Variants in CGGBP1 observed in about 807,000 individuals in gnomAD.
CGGBP1 encodes the protein CGG triplet repeat binding protein 1, also known as CGG triplet repeat-binding protein 1.
A neutral mutation model predicts 11.4 loss-of-function variants in CGGBP1; 4 were observed. The ratio of observed to expected loss-of-function variants is 0.35; its 90% CI spans 0.17 to 0.80. The LOEUF (loss-of-function observed/expected upper bound fraction) is 0.80. Among genes scored for constraint, CGGBP1 ranks in the 30% least tolerant of loss-of-function variants. The pLI is 0.52. For synonymous variants in CGGBP1, 76 were observed against 74.1 expected (o/e 1.03, Z -0.13); for missense variants, 135 against 202.1 (o/e 0.67, Z 2.01).
chr3:88,091,412 A>G (rs1271254591), intron 2 of CGGBP1, among the ~76,000 whole-genome samples: 1 of 152,230 alleles, frequency 6.6e-6, no homozygotes, highest in East Asian at 1.9e-4. Flanking sequence ...ATTAAAATAA[A>G]TTATTCGTAA....
chr3:88,053,251 T>C lies in CGGBP1; in HGVS notation c.*2222A>G, dbSNP rs1481571940. 1 of 152,144 alleles carries C rather than the reference T, an allele frequency of 6.6e-6. No individual in the cohort carries two copies. Among genetic ancestry groups the C allele is most frequent in the African/African-American group, 2.4e-5 (1 of 41,446 alleles). 9.4% of individuals were successfully genotyped at this position (152,144 alleles called of 1,614,324 possible). ...TCATTCTGCTGTATTTATTTAACTT[T>C]AGACACAGTTAACTAGCTTCAGGGA... is the stretch of plus-strand genomic sequence containing the variant. On this transcript the variant is annotated 3_prime_UTR_variant, in exon 4 of 4. Coordinates refer to ENST00000482016, the MANE Select transcript of CGGBP1 (RefSeq NM_001008390.2).
intron 1 of CGGBP1, among the ~76,000 whole-genome samples, chr3:88,145,851 C>T (rs1405354947): frequency 1.3e-5 from 2 of 152,168 alleles, no homozygotes; most frequent in East Asian, 3.8e-4. Context: ...GAACACTGCT[C>T]TTTAGACACC....
At chr3:88,062,714 T>C (rs1576175719), upstream of CGGBP1, among the ~76,000 whole-genome samples, 2 of 152,342 alleles carry the variant, frequency 1.3e-5, no homozygotes, top group East Asian at 3.9e-4. Flanking sequence ...CACTTTGATA[T>C]GTTGATTGAA....
At chr3:88,063,202 C>T (rs906804933), upstream of CGGBP1, among the ~76,000 whole-genome samples, 7 of 152,132 alleles carry the variant, frequency 4.6e-5, no homozygotes, top group African/African-American at 1.7e-4. Flanking sequence ...CACAGGATGG[C>T]TCTAACAACA....
intron 1 of CGGBP1, chr3:88,144,728 T>C (rs1164485710): frequency 6.6e-6 from 1 of 152,444 alleles, no homozygotes; most frequent in Non-Finnish European, 1.5e-5. Flanking sequence ...ATATATTAAA[T>C]GAAAATGTCT....
upstream of CGGBP1, chr3:88,059,432 G>A (rs1706706752): frequency 6.6e-7 from 1 of 1,522,406 alleles, no homozygotes; most frequent in Admixed American, 2.1e-5. Context: ...GACGGCAGAG[G>A]CGGCGCTGGC....
At chr3:88,096,419 C>G (rs1296612721) in intron 2 of CGGBP1, among the ~76,000 whole-genome samples, 1 of 152,096 alleles carries the variant, frequency 6.6e-6, no homozygotes, top group East Asian at 1.9e-4. Flanking sequence ...GATCTTGAAG[C>G]AGAGGGGTAA....
Position 88,085,622 on chromosome 3 carries a change from T to G in CGGBP1, c.-228-27399A>C, listed in dbSNP as rs539263954. Among the ~76,000 whole-genome samples, 87 of 152,298 alleles carry G rather than the reference T, an allele frequency of 5.7e-4. 1 individual carries two copies. Among genetic ancestry groups the G allele is most frequent in the African/African-American group, 2.1e-3 (86 of 41,552 alleles). ...AATGTTTTCTCATAAATTACCCCAA[T>G]TTGGCTTCAGAGAGCATTGTCATCT... is the stretch of plus-strand genomic sequence containing the variant. On this transcript the variant is annotated intron_variant, in intron 2 of 3. Coordinates refer to the CGGBP1 transcript ENST00000462901.
chr3:88,098,034 A>G (rs1017164708), intron 2 of CGGBP1, among the ~76,000 whole-genome samples: 21 of 152,234 alleles, frequency 1.4e-4, no homozygotes, highest in Non-Finnish European at 2.5e-4. Context: ...AAAACAATCA[A>G]TCCAGGAGCT....
upstream of CGGBP1, among the ~76,000 whole-genome samples, chr3:88,063,663 T>C (rs1250782128): frequency 2.0e-5 from 3 of 152,198 alleles, no homozygotes; most frequent in Admixed American, 6.6e-5. Flanking sequence ...TAAGAAGTCA[T>C]ATAAGGCCTA....
intron 2 of CGGBP1, among the ~76,000 whole-genome samples, chr3:88,122,813 C>T (rs979466576): frequency 6.6e-6 from 1 of 151,764 alleles, no homozygotes; most frequent in African/African-American, 2.4e-5. Flanking sequence ...AGTTCGATAC[C>T]AGCCTGGCCA....
intron 2 of CGGBP1, among the ~76,000 whole-genome samples, chr3:88,137,247 A>C (rs1243463323): frequency 6.6e-6 from 1 of 151,978 alleles, no homozygotes; most frequent in African/African-American, 2.4e-5. Context: ...GGAGAAAGAA[A>C]ACGAATTCTG....
rs1006896 is a variant in CGGBP1, at chr3:88,055,261, A to C, written c.*212T>G. The C allele has an allele frequency of 0.079, 33,432 of 425,264 alleles. 1,636 individuals carry two copies. Among genetic ancestry groups the C allele is most frequent in the Non-Finnish European group, 0.1 (24,820 of 242,274 alleles). The allele number at this position is 425,264 out of a possible 1,614,324, so 26.3% of individuals were successfully genotyped here. A position where few individuals can be genotyped will look rare whatever the true frequency, so the allele number is the denominator to read the frequency against. ...TTTCAGGTATCCTAGCACACTCTAA[A>C]CCTAGGTTTTGCTTTATACCATTGG... On this transcript the variant is annotated 3_prime_UTR_variant, in exon 4 of 4. Transcript: ENST00000482016. This position sits in a 1 kb window ranked among gnomAD's most constrained non-coding sequence, Gnocchi z 4.2.
At chr3:88,126,696 G>A (rs967532912) in intron 2 of CGGBP1, among the ~76,000 whole-genome samples, 1 of 138,984 alleles carries the variant, frequency 7.2e-6, no homozygotes, top group South Asian at 2.3e-4. Context: ...CTGAATTTTT[G>A]TCACTACTAC....
At chr3:88,084,559 G>A (rs1440285581) in intron 2 of CGGBP1, among the ~76,000 whole-genome samples, 1 of 152,182 alleles carries the variant, frequency 6.6e-6, no homozygotes, top group African/African-American at 2.4e-5. Context: ...CAAGTTCAGA[G>A]ACAATCTCCT....
At chr3:88,087,518 A>C (rs1455319020) in intron 2 of CGGBP1, among the ~76,000 whole-genome samples, 1 of 152,244 alleles carries the variant, frequency 6.6e-6, no homozygotes, top group Non-Finnish European at 1.5e-5. Flanking sequence ...AATGAAAATA[A>C]ATAGAGAAAG....
chr3:88,122,605 A>C (rs1705835136), intron 2 of CGGBP1, among the ~76,000 whole-genome samples: 1 of 152,210 alleles, frequency 6.6e-6, no homozygotes. Context: ...TAAGGGGATT[A>C]TATTTAGCAC....
chr3:88,094,851 T>C (rs1315633157), intron 2 of CGGBP1, among the ~76,000 whole-genome samples: 1 of 152,020 alleles, frequency 6.6e-6, no homozygotes, highest in African/African-American at 2.4e-5. Flanking sequence ...TACAATATTA[T>C]ACTGGCAGCT....
chr3:88,082,770 C>T (rs1559697684), intron 2 of CGGBP1, among the ~76,000 whole-genome samples: 1 of 152,148 alleles, frequency 6.6e-6, no homozygotes, highest in Non-Finnish European at 1.5e-5. Flanking sequence ...TAGTTGATCA[C>T]TTTATATGTT....
Sources: gnomAD v4.1 joint callset for allele counts (sites outside exome capture counted in the v4.1 genomes callset) on GRCh38, gnomAD v4.1.1 for gene constraint, Gnocchi (gnomAD v3.1) non-coding constraint, MANE v1.5 for transcripts, NCBI Gene and HGNC (gene_info 2026-07-23, HGNC 2026-07-21) for gene names.